The following BCL11B variants were observed in gnomAD, a reference collection of about 807,000 sequenced individuals.
BCL11B encodes the protein BCL11 transcription factor B.
BCL11B carries 8 observed loss-of-function variants against 49.9 expected under a neutral mutation model. That is an observed-to-expected ratio of 0.16 (90% CI 0.09 to 0.29). The LOEUF (loss-of-function observed/expected upper bound fraction) is 0.29. BCL11B is among the 10% of genes least tolerant of loss of function. The pLI, the probability that BCL11B is intolerant of heterozygous loss-of-function variation, is 1.00. For synonymous variants in BCL11B, 739 were observed against 637.4 expected, an observed-to-expected ratio of 1.16 and a Z score of -2.40; for missense variants, 1,006 against 1,351.0, an observed-to-expected ratio of 0.74 and a Z score of 4.00.
At chr14:99,201,258 C>G (rs970801153) in intron 3 of BCL11B, among the ~76,000 whole-genome samples, 2 of 152,202 alleles carry the variant, frequency 1.3e-5, no homozygotes, top group Admixed American at 1.3e-4. Flanking sequence ...TTGACCCTCA[C>G]CAGCTGAAGA....
rs887846648 is a variant in BCL11B, at chr14:99,176,689, G to A, written c.641-494C>T. 1.1e-4 allele frequency among the ~76,000 whole-genome samples: 17 copies of A among 152,084 alleles called. 1 individual carries two copies. The highest frequency in any genetic ancestry group is 1.0e-3 in the Admixed American group (16 of 15,282). Reference sequence around the variant, plus strand: ...CCTAATTCTTTGGGCGGTGGGGGCTGTCCTGCGCATTGCAGGATGTTTAGC... The same window carrying A: ...CCTAATTCTTTGGGCGGTGGGGGCTATCCTGCGCATTGCAGGATGTTTAGC... On this transcript the variant is annotated intron_variant, in intron 3 of 3. Transcript: ENST00000357195.
chr14:99,189,543 C>T (rs1173044346), intron 3 of BCL11B, among the ~76,000 whole-genome samples: 2 of 152,228 alleles, frequency 1.3e-5, no homozygotes, highest in Non-Finnish European at 2.9e-5. Context: ...GTTACACCCA[C>T]GCTCCTAACA....
chr14:99,179,473 T>TAAAA (rs35703913), intron 3 of BCL11B, among the ~76,000 whole-genome samples: 2 of 54,544 alleles, frequency 3.7e-5, no homozygotes, highest in Non-Finnish European at 6.6e-5. Flanking sequence ...GAATCCATCT[T>TAAAA]AAAAAAAAAA....
At chr14:99,233,541 C>T (rs959776471) in intron 2 of BCL11B, among the ~76,000 whole-genome samples, 5 of 152,150 alleles carry the variant, frequency 3.3e-5, no homozygotes, top group South Asian at 2.1e-4. Context: ...GGTGAGGCCA[C>T]GACACAGCCA....
In BCL11B at chr14:99,174,841, G is replaced by A. The variant is rs763101782; in HGVS notation, c.1995C>T (p.Phe665=). 34 of 1,312,560 alleles carry A rather than the reference G, an allele frequency of 2.6e-5. No individual in the cohort carries two copies. The highest frequency in any genetic ancestry group is 2.9e-5 in the Non-Finnish European group (30 of 1,031,604). The allele number at this position is 1,312,560 out of a possible 1,614,324, so 81.3% of individuals were successfully genotyped here. The change falls in exon 4 of 4, where the codon TTC becomes TTT. Residue 665 remains phenylalanine, a synonymous_variant. Coordinates refer to ENST00000357195, the MANE Select transcript of BCL11B (RefSeq NM_138576.4). ...CGGGCTTGCGCGGGAAGAGCCCGGG[G>A]AAGGGCTCGGTGCCTGGCGCGAAGC... The part of the protein sequence containing the change: ...GGGFAPGTEP[F]PGLFPRKPAP...
intron 3 of BCL11B, among the ~76,000 whole-genome samples, chr14:99,183,503 C>A (rs929259615): frequency 6.6e-6 from 1 of 151,998 alleles, no homozygotes; most frequent in Non-Finnish European, 1.5e-5. Flanking sequence ...CCTGCCAGCA[C>A]GAGCCATGTT....
Position 99,175,030 on chromosome 14 carries a change from C to A in BCL11B, c.1806G>T (p.Val602=), listed in dbSNP as rs1431513873. 1.3e-6 allele frequency: 2 copies of A among 1,596,392 alleles called. No individual in the cohort carries two copies. The highest frequency in any genetic ancestry group is 2.2e-5 in the South Asian group (2 of 90,990). ...ALVLGKVMEN[V]GLGALPQYGE... ...CGTACTGCGGCAGTGCGCCTAGGCC[C>A]ACGTTCTCCATGACCTTGCCCAGCA... The change falls in exon 4 of 4, where the codon GTG becomes GTT. Residue 602 remains valine (V), a synonymous_variant. Transcript: ENST00000357195.
intron 3 of BCL11B, among the ~76,000 whole-genome samples, chr14:99,181,848 G>A (rs1051042112): frequency 2.0e-5 from 3 of 152,190 alleles, no homozygotes; most frequent in Admixed American, 1.3e-4. Context: ...TACCCAAGGA[G>A]ATGGCTGGTT....
chr14:99,204,283 G>C (rs998313828), intron 3 of BCL11B, among the ~76,000 whole-genome samples: 4 of 152,160 alleles, frequency 2.6e-5, no homozygotes, highest in African/African-American at 9.7e-5. Context: ...TTTCCAGGGG[G>C]TCTGGAATGA....
intron 3 of BCL11B, among the ~76,000 whole-genome samples, chr14:99,215,356 G>A (rs369132836): frequency 3.9e-5 from 6 of 152,244 alleles, no homozygotes; most frequent in Non-Finnish European, 8.8e-5. Flanking sequence ...TTCGGAGACC[G>A]CAGTCTATTG....
chr14:99,193,279 A>T (rs1014786025), intron 3 of BCL11B, among the ~76,000 whole-genome samples: 6 of 152,224 alleles, frequency 3.9e-5, no homozygotes, highest in African/African-American at 1.4e-4. Context: ...CTAATCAGAA[A>T]GGCCCCGCTA....
At chr14:99,267,248 A>G in intron 1 of BCL11B, among the ~76,000 whole-genome samples, 1 of 152,170 alleles carries the variant, frequency 6.6e-6, no homozygotes, top group South Asian at 2.1e-4. Flanking sequence ...GGCCAAGCAC[A>G]GGCAGATAGC....
At position 99,271,329 on chromosome 14, in the gene BCL11B, C is replaced by A; in HGVS notation, c.-111G>T. 1 of 748,070 alleles carries A rather than the reference C, an allele frequency of 1.3e-6. No homozygotes were observed. The highest frequency in any genetic ancestry group is 6.1e-5 in the South Asian group (1 of 16,440). 46.3% of individuals were successfully genotyped at this position (748,070 alleles called of 1,614,324 possible). On this transcript the variant is annotated 5_prime_UTR_variant, in exon 1 of 4. Coordinates refer to ENST00000357195, the MANE Select transcript of BCL11B (RefSeq NM_138576.4). ...CTGCCGCCGCTGCCGCCGCCGCCGC[C>A]GCCGCCGCACCTCCTCCTCTGCCCG... is the stretch of plus-strand genomic sequence containing the variant.
At chr14:99,238,622 G>A (rs1304363165) in intron 2 of BCL11B, among the ~76,000 whole-genome samples, 1 of 152,132 alleles carries the variant, frequency 6.6e-6, no homozygotes, top group Non-Finnish European at 1.5e-5. Context: ...CCCCTAAGTG[G>A]GCATTTGCAG....
At position 99,171,417 on chromosome 14, in the gene BCL11B, GT is replaced by G. The variant is rs768070518; in HGVS notation, c.*2733del. 133 of 197,216 alleles carry G rather than the reference GT, an allele frequency of 6.7e-4. No homozygotes were observed. Among genetic ancestry groups the G allele is most frequent in the Middle Eastern group, 3.3e-3 (2 of 614 alleles). The allele number at this position is 197,216 out of a possible 1,614,324, so 12.2% of individuals were successfully genotyped here. Reference sequence around the variant, plus strand: ...ATATTATGGCAGCCTGTTTGTTTTTGTTTTTTTTTTCTTTTTATTTCCAAAT... The same window carrying G: ...ATATTATGGCAGCCTGTTTGTTTTTGTTTTTTTTTCTTTTTATTTCCAAAT... On this transcript the variant is annotated 3_prime_UTR_variant, in exon 4 of 4. Coordinates refer to ENST00000357195, the MANE Select transcript of BCL11B (RefSeq NM_138576.4).
intron 2 of BCL11B, among the ~76,000 whole-genome samples, chr14:99,239,821 C>T (rs971323945): frequency 2.6e-5 from 4 of 152,084 alleles, no homozygotes; most frequent in Admixed American, 1.3e-4. Context: ...TTTTGCTCAA[C>T]GGCCATGTAC....
chr14:99,249,864 G>A (rs926000563), intron 2 of BCL11B, among the ~76,000 whole-genome samples: 9 of 152,100 alleles, frequency 5.9e-5, no homozygotes, highest in African/African-American at 1.9e-4. Context: ...GCGGTGGCTC[G>A]TGCCTGTAAT....
Position 99,257,070 on chromosome 14 carries a change from T to C in BCL11B, c.427+401A>G, listed in dbSNP as rs971590782. Among the ~76,000 whole-genome samples the C allele has an allele frequency of 1.3e-5, 2 of 152,146 alleles. No homozygotes were observed. The highest frequency in any genetic ancestry group is 2.9e-5 in the Non-Finnish European group (2 of 68,026). ...GGTTTCCTTAGCTCCATTTCACAGA[T>C]GGGCAAACTAACATGTCCAAGTTGT... On this transcript the variant is annotated intron_variant, in intron 2 of 3. Transcript: ENST00000357195. This position sits in a 1 kb window ranked among gnomAD's most constrained non-coding sequence, Gnocchi z 6.2.
chr14:99,196,624 C>T (rs1271444435), intron 3 of BCL11B, among the ~76,000 whole-genome samples: 1 of 152,166 alleles, frequency 6.6e-6, no homozygotes, highest in African/African-American at 2.4e-5. Flanking sequence ...GACAGATGCC[C>T]CCCAAGATTC....
Sources: allele counts gnomAD v4.1 joint callset (sites outside exome capture counted in the v4.1 genomes callset), GRCh38; gene constraint gnomAD v4.1.1; non-coding constraint Gnocchi (gnomAD v3.1); transcripts MANE v1.5; gene names NCBI Gene and HGNC (gene_info 2026-07-23, HGNC 2026-07-21).